The following GRM3 variants were observed in gnomAD, a reference collection of about 807,000 sequenced individuals.
GRM3 encodes the protein glutamate metabotropic receptor 3.
Under a neutral mutation model 70.5 loss-of-function variants are expected in GRM3, and 26 were observed. The observed-to-expected ratio is 0.37, with a 90% CI of 0.27 to 0.51. The LOEUF (loss-of-function observed/expected upper bound fraction) is 0.51, where lower values mean the gene tolerates loss of function less well. Among genes scored for constraint, GRM3 ranks in the 20% least tolerant of loss-of-function variants. The pLI is 0.93. For synonymous variants in GRM3, 443 were observed against 434.9 expected (o/e 1.02, Z -0.23); for missense variants, 859 against 1,123.8 (o/e 0.76, Z 3.37).
intron 1 of GRM3, among the ~76,000 whole-genome samples, chr7:86,737,024 GA>G (rs144089886): frequency 0.025 from 3,676 of 147,432 alleles, 149 homozygotes; most frequent in African/African-American, 0.085. Flanking sequence ...GGGCCATAAA[GA>G]AAAAAAAAAC....
At chr7:86,691,240 A>G (rs1373462902) in intron 1 of GRM3, among the ~76,000 whole-genome samples, 1 of 152,108 alleles carries the variant, frequency 6.6e-6, no homozygotes, top group Non-Finnish European at 1.5e-5. Flanking sequence ...GATCATTGCC[A>G]TTGCCTGGAT....
intron 1 of GRM3, among the ~76,000 whole-genome samples, chr7:86,743,148 T>C (rs1159168814): frequency 6.6e-6 from 1 of 152,188 alleles, no homozygotes; most frequent in African/African-American, 2.4e-5. Context: ...GAAAACTATA[T>C]AGCATGTTTT....
At chr7:86,657,067 A>G (rs537902038) in intron 1 of GRM3, among the ~76,000 whole-genome samples, 29 of 152,336 alleles carry the variant, frequency 1.9e-4, no homozygotes, top group African/African-American at 6.7e-4. Context: ...ATTTTAATCC[A>G]TAAATGGTGC....
At chr7:86,838,071 C>T (rs1269801716) in intron 3 of GRM3, among the ~76,000 whole-genome samples, 1 of 152,116 alleles carries the variant, frequency 6.6e-6, no homozygotes, top group African/African-American at 2.4e-5. Context: ...AAAAAAGAGA[C>T]AGGGTTGAGG....
At chr7:86,708,553 G>A (rs1795111693) in intron 1 of GRM3, among the ~76,000 whole-genome samples, 1 of 152,150 alleles carries the variant, frequency 6.6e-6, no homozygotes, top group African/African-American at 2.4e-5. Context: ...AAGGCGGAGA[G>A]CTTTGCCAGC....
chr7:86,856,932 A>T (rs1006536430), intron 5 of GRM3, among the ~76,000 whole-genome samples: 1 of 152,080 alleles, frequency 6.6e-6, no homozygotes, highest in African/African-American at 2.4e-5. Context: ...TATTCTAATA[A>T]CCACATTTCT....
rs527527699 is a variant in GRM3, at chr7:86,665,169, G to A, written c.-141+20297G>A. On this transcript the variant is annotated intron_variant, in intron 1 of 5. Coordinates refer to ENST00000361669, the MANE Select transcript of GRM3 (RefSeq NM_000840.3). ...CGTTTTATTCCACTGTTACCAAATTGAATATATTTGAGAAAGAAAATGAGG... is the reference window on the plus strand; with the variant it reads ...CGTTTTATTCCACTGTTACCAAATTAAATATATTTGAGAAAGAAAATGAGG... Among the ~76,000 whole-genome samples, 13 of 152,012 alleles carry A rather than the reference G, an allele frequency of 8.6e-5. No individual in the cohort carries two copies. The South Asian group carries it at 1.0e-3, about 12-fold the overall frequency.
At chr7:86,805,465 A>C (rs961924002) in intron 3 of GRM3, among the ~76,000 whole-genome samples, 1 of 152,186 alleles carries the variant, frequency 6.6e-6, no homozygotes, top group Non-Finnish European at 1.5e-5. Flanking sequence ...CATGTTTTAC[A>C]TTAGGGTTCA....
At chr7:86,766,810 A>G (rs966504917) in intron 2 of GRM3, among the ~76,000 whole-genome samples, 4 of 152,226 alleles carry the variant, frequency 2.6e-5, no homozygotes, top group Non-Finnish European at 5.9e-5. Flanking sequence ...GCACTAAAAG[A>G]AACTATACCA....
chr7:86,798,950 G>A (rs897289115), intron 3 of GRM3, among the ~76,000 whole-genome samples: 2 of 151,992 alleles, frequency 1.3e-5, no homozygotes, highest in Non-Finnish European at 2.9e-5. Context: ...ACCCAGCCAT[G>A]TGGAACTCTG....
intron 1 of GRM3, among the ~76,000 whole-genome samples, chr7:86,650,377 T>A (rs78679914): frequency 0.11 from 17,163 of 152,058 alleles, 1,061 homozygotes; most frequent in South Asian, 0.17. Context: ...TTAATTAATT[T>A]ATTTATTTTA....
chr7:86,721,661 C>A (rs1374808204), intron 1 of GRM3, among the ~76,000 whole-genome samples: 1 of 152,038 alleles, frequency 6.6e-6, no homozygotes. Context: ...ATCATCGAGC[C>A]AAAGGGGTTA....
rs11971534 is a variant in GRM3, at chr7:86,697,699, C to T, written c.-141+52827C>T. On this transcript the variant is annotated intron_variant, in intron 1 of 5. Coordinates refer to ENST00000361669, the MANE Select transcript of GRM3 (RefSeq NM_000840.3). ...TATTACTAATTTTGAAATGATTTCC[C>T]TAAAAAAAAATTGAAATCCCTTTGC... is the stretch of plus-strand genomic sequence containing the variant. Among the ~76,000 whole-genome samples the T allele has an allele frequency of 7.9e-3, 1,195 of 151,614 alleles. 21 individuals carry two copies. The highest frequency in any genetic ancestry group is 0.027 in the African/African-American group (1,092 of 41,160).
intron 4 of GRM3, among the ~76,000 whole-genome samples, chr7:86,843,577 T>C (rs1221450502): frequency 6.6e-6 from 1 of 152,204 alleles, no homozygotes; most frequent in Non-Finnish European, 1.5e-5. Context: ...AATACATAGC[T>C]TAAATTGTGT....
chr7:86,803,968 G>A (rs75360991), intron 3 of GRM3, among the ~76,000 whole-genome samples: 254 of 152,210 alleles, frequency 1.7e-3, no homozygotes, highest in African/African-American at 5.1e-3. Flanking sequence ...CCGTGAAGGT[G>A]GTCAAGCAGA....
At chr7:86,683,247 T>C (rs1158246914) in intron 1 of GRM3, among the ~76,000 whole-genome samples, 4 of 151,734 alleles carry the variant, frequency 2.6e-5, no homozygotes, top group Non-Finnish European at 5.9e-5. Context: ...GAGGAAGGAG[T>C]CAAGTGGCCT....
intron 1 of GRM3, among the ~76,000 whole-genome samples, chr7:86,667,005 A>C (rs898618171): frequency 8.5e-5 from 13 of 152,250 alleles, no homozygotes; most frequent in African/African-American, 3.1e-4. Context: ...ATTTATATAA[A>C]GCATATTTCT....
At chr7:86,715,518 G>A (rs559316327) in intron 1 of GRM3, among the ~76,000 whole-genome samples, 1 of 152,070 alleles carries the variant, frequency 6.6e-6, no homozygotes, top group East Asian at 1.9e-4. Flanking sequence ...ATCATTACAA[G>A]TCTATCTCCC....
At chr7:86,780,929 T>C (rs1797038220) in intron 2 of GRM3, among the ~76,000 whole-genome samples, 1 of 152,194 alleles carries the variant, frequency 6.6e-6, no homozygotes, top group African/African-American at 2.4e-5. Flanking sequence ...CCTTGAAATA[T>C]ATCATTGCAT....
Sources: gnomAD v4.1 joint callset for allele counts (sites outside exome capture counted in the v4.1 genomes callset) on GRCh38, gnomAD v4.1.1 for gene constraint, MANE v1.5 for transcripts, NCBI Gene and HGNC (gene_info 2026-07-23, HGNC 2026-07-21) for gene names.